Variants in VRK2 observed in about 807,000 individuals in gnomAD.
VRK2 encodes the protein serine/threonine-protein kinase VRK2.
Under a neutral mutation model 57.6 loss-of-function variants are expected in VRK2, and 60 were observed. The ratio of observed to expected loss-of-function variants is 1.04; its 90% confidence interval spans 0.85 to 1.29. The LOEUF is 1.29. Ranked by LOEUF, VRK2 falls within the 50% of genes most tolerant of loss-of-function variation. The pLI, the probability that VRK2 is intolerant of heterozygous loss-of-function variation, is 0.00. For missense variants in VRK2, 705 were observed against 588.1 expected (o/e 1.20, Z -2.06); for synonymous variants, 231 against 199.2 (o/e 1.16, Z -1.35).
chr2:57,987,939 T>C (rs536533783), intron 1 of VRK2, among the ~76,000 whole-genome samples: 2 of 152,286 alleles, frequency 1.3e-5, no homozygotes, highest in East Asian at 3.9e-4. Flanking sequence ...TTACAAGGCA[T>C]TCTGGAAAAG....
At chr2:58,046,744 G>C (rs933410464), upstream of VRK2, 3 of 985,562 alleles carry the variant, frequency 3.0e-6, no homozygotes, top group Non-Finnish European at 3.6e-6. Context: ...GCAGGTCCTA[G>C]GGAGGGCAGG....
Position 57,985,485 on chromosome 2 carries a change from C to T in VRK2, c.-438-40180C>T, listed in dbSNP as rs1572937887. ...TCCCCAGAGCCAACCACTCTTTTGA[C>T]ATTTTTTGGTTTCCTTATCAAACAT... On this transcript the variant is annotated intron_variant, in intron 1 of 15. Coordinates refer to the VRK2 transcript ENST00000417641. 4.6e-5 allele frequency among the ~76,000 whole-genome samples: 7 copies of T among 152,148 alleles called. No individual in the cohort carries two copies. The South Asian group carries it at 1.2e-3, about 27-fold the overall frequency.
intron 1 of VRK2, among the ~76,000 whole-genome samples, chr2:58,000,902 G>A (rs1481851418): frequency 3.9e-5 from 6 of 152,186 alleles, no homozygotes; most frequent in Admixed American, 3.3e-4. Flanking sequence ...TGATGACTCT[G>A]TACAAGAAAA....
intron 1 of VRK2, among the ~76,000 whole-genome samples, chr2:57,926,616 T>C (rs1670546573): frequency 6.6e-6 from 1 of 151,744 alleles, no homozygotes; most frequent in Non-Finnish European, 1.5e-5. Context: ...GTTGGCCTCT[T>C]TTTACAGTTT....
chr2:58,123,304 A>AT, intron 8 of VRK2, 71 bp downstream of exon 8: 2 of 1,538,218 alleles, frequency 1.3e-6, no homozygotes, highest in Non-Finnish European at 1.7e-6. Context: ...ATGAGGCTGC[A>AT]TGAAATGACC....
intron 1 of VRK2, among the ~76,000 whole-genome samples, chr2:57,922,989 T>C (rs987363225): frequency 6.6e-6 from 1 of 152,080 alleles, no homozygotes; most frequent in African/African-American, 2.4e-5. Context: ...TTTCTGTGCC[T>C]GGCCTATTTC....
intron 2 of VRK2, among the ~76,000 whole-genome samples, chr2:58,070,401 C>T (rs1572940476): frequency 1.3e-5 from 2 of 152,128 alleles, no homozygotes; most frequent in Admixed American, 6.6e-5. Context: ...ATCATGTGTC[C>T]ACCATTACAG....
At chr2:58,016,506 C>G (rs995597199) in intron 1 of VRK2, among the ~76,000 whole-genome samples, 1 of 152,084 alleles carries the variant, frequency 6.6e-6, no homozygotes, top group Non-Finnish European at 1.5e-5. Flanking sequence ...GTGCACACCA[C>G]CATACCCGGC....
chr2:58,084,275 T>C, intron 3 of VRK2, 137 bp downstream of exon 3: 1 of 835,566 alleles, frequency 1.2e-6, no homozygotes, highest in Non-Finnish European at 1.7e-6. Flanking sequence ...TTGACGTTGT[T>C]AAAACATTAA....
At chr2:58,138,453 T>A (rs1040525172) in intron 10 of VRK2, among the ~76,000 whole-genome samples, 2 of 152,178 alleles carry the variant, frequency 1.3e-5, no homozygotes, top group Non-Finnish European at 2.9e-5. Context: ...AACCAAGAGT[T>A]TACATTTTAA....
At chr2:58,047,279 G>A (rs987105285) in intron 1 of VRK2, 3 of 380,560 alleles carry the variant, frequency 7.9e-6, no homozygotes. Context: ...AGGGTCAGGG[G>A]CCGCGGCGGG....
intron 9 of VRK2, among the ~76,000 whole-genome samples, chr2:58,133,334 T>C (rs185456678): frequency 2.0e-5 from 3 of 152,318 alleles, no homozygotes; most frequent in Admixed American, 6.5e-5. Flanking sequence ...TGTTAATATC[T>C]TCATTTTGAC....
At chr2:57,927,135 C>A (rs1572869564) in intron 1 of VRK2, among the ~76,000 whole-genome samples, 1 of 151,708 alleles carries the variant, frequency 6.6e-6, no homozygotes, top group Admixed American at 6.6e-5. Flanking sequence ...AACAAACAAG[C>A]AAAGAGAAAA....
intron 1 of VRK2, among the ~76,000 whole-genome samples, chr2:57,951,100 AT>A (rs1671414818): frequency 6.6e-6 from 1 of 152,160 alleles, no homozygotes; most frequent in South Asian, 2.1e-4. Context: ...CAAAAAAAAA[AT>A]AATAAATAAA....
At chr2:58,030,204 GC>G (rs1674070265) in intron 2 of VRK2, among the ~76,000 whole-genome samples, 1 of 152,006 alleles carries the variant, frequency 6.6e-6, no homozygotes, top group South Asian at 2.1e-4. Flanking sequence ...ACATATTGCT[GC>G]TTTTTCCTCA....
At chr2:57,952,906 G>C (rs1270053507) in intron 1 of VRK2, among the ~76,000 whole-genome samples, 1 of 152,082 alleles carries the variant, frequency 6.6e-6, no homozygotes, top group Non-Finnish European at 1.5e-5. Context: ...CTGACAACCT[G>C]GGCCTTGACT....
chr2:58,045,355 A>T (rs1007997193), upstream of VRK2, among the ~76,000 whole-genome samples: 18 of 152,186 alleles, frequency 1.2e-4, no homozygotes, highest in Admixed American at 9.8e-4. Flanking sequence ...ACCTACAAGT[A>T]ATCTGCTGTG....
chr2:57,928,229 AT>A (rs1267080483), intron 1 of VRK2, among the ~76,000 whole-genome samples: 8 of 151,814 alleles, frequency 5.3e-5, no homozygotes, highest in Admixed American at 2.0e-4. Context: ...TTTTAAAATT[AT>A]TTTTTCTTTT....
intron 7 of VRK2, among the ~76,000 whole-genome samples, chr2:58,105,533 A>G (rs1292388376): frequency 1.3e-5 from 2 of 151,976 alleles, no homozygotes; most frequent in African/African-American, 4.8e-5. Context: ...ATTATGAGAA[A>G]GACAAAAAAT....
Sources: allele counts gnomAD v4.1 joint callset (sites outside exome capture counted in the v4.1 genomes callset), GRCh38; gene constraint gnomAD v4.1.1; transcripts MANE v1.5; gene names NCBI Gene and HGNC (gene_info 2026-07-23, HGNC 2026-07-21).